CHRM3: variants seen among roughly 807,000 people sequenced by gnomAD.
CHRM3 encodes the protein cholinergic receptor muscarinic 3, also known as muscarinic acetylcholine receptor M3.
A neutral mutation model predicts 41.8 loss-of-function variants in CHRM3; 11 were observed. The observed-to-expected ratio is 0.26, with a 90% confidence interval of 0.17 to 0.44. The LOEUF is 0.44. Ranked by LOEUF, CHRM3 falls within the 20% of genes least tolerant of loss-of-function variation. The pLI, the probability that CHRM3 is intolerant of heterozygous loss-of-function variation, is 1.00. For synonymous variants in CHRM3, 297 were observed against 301.4 expected, an observed-to-expected ratio of 0.99 and a Z score of 0.15; for missense variants, 571 against 745.4, an observed-to-expected ratio of 0.77 and a Z score of 2.72.
At chr1:239,413,108 A>G (rs12120971) in intron 1 of CHRM3, among the ~76,000 whole-genome samples, 86,672 of 148,890 alleles carry the variant, frequency 0.58, 25,117 homozygotes, top group African/African-American at 0.62. Context: ...AAAAAAAAAG[A>G]TAAATCAGAG....
intron 4 of CHRM3, among the ~76,000 whole-genome samples, chr1:239,644,429 A>G (rs1262919722): frequency 6.6e-6 from 1 of 152,168 alleles, no homozygotes; most frequent in East Asian, 1.9e-4. Context: ...GAAAGTCCAA[A>G]CAACTTCTCC....
intron 6 of CHRM3, among the ~76,000 whole-genome samples, chr1:239,900,570 C>CTA (rs1679461481): frequency 6.6e-6 from 1 of 151,860 alleles, no homozygotes; most frequent in South Asian, 2.1e-4. Context: ...TTTCCTGGCC[C>CTA]TATAGGGACA....
chr1:239,429,716 T>A (rs1055107887), intron 1 of CHRM3, among the ~76,000 whole-genome samples: 3 of 152,142 alleles, frequency 2.0e-5, no homozygotes, highest in African/African-American at 7.2e-5. Flanking sequence ...GATTGCATTT[T>A]GCTTCTCTTT....
intron 1 of CHRM3, among the ~76,000 whole-genome samples, chr1:239,398,385 G>C (rs1192777510): frequency 1.3e-5 from 2 of 152,058 alleles, no homozygotes; most frequent in Admixed American, 6.5e-5. Flanking sequence ...ACAGGCGTGT[G>C]CCACCACGCC....
At chr1:239,669,060 T>G (rs1674098936) in intron 4 of CHRM3, among the ~76,000 whole-genome samples, 1 of 152,156 alleles carries the variant, frequency 6.6e-6, no homozygotes, top group African/African-American at 2.4e-5. Flanking sequence ...GAAAATTCCC[T>G]GAGGCACTGT....
chr1:239,407,727 G>C (rs1450290576), intron 1 of CHRM3, among the ~76,000 whole-genome samples: 1 of 151,890 alleles, frequency 6.6e-6, no homozygotes, highest in South Asian at 2.1e-4. Flanking sequence ...GCCCAGCTTT[G>C]TTTCCATTAA....
chr1:239,439,708 T>C (rs1373258942), intron 1 of CHRM3, among the ~76,000 whole-genome samples: 1 of 152,186 alleles, frequency 6.6e-6, no homozygotes, highest in African/African-American at 2.4e-5. Context: ...TCATGATCTA[T>C]TATGGTCATT....
intron 5 of CHRM3, among the ~76,000 whole-genome samples, chr1:239,684,176 T>G (rs1658845346): frequency 1.3e-5 from 2 of 152,074 alleles, no homozygotes; most frequent in South Asian, 4.1e-4. Context: ...ACAGAACAAT[T>G]AAGTAAGTTG....
chr1:239,868,870 C>T (rs1368749656), intron 6 of CHRM3, among the ~76,000 whole-genome samples: 4 of 152,124 alleles, frequency 2.6e-5, no homozygotes, highest in African/African-American at 9.7e-5. Flanking sequence ...TGTCTTTGAG[C>T]CCCGGTTTCA....
intron 3 of CHRM3, among the ~76,000 whole-genome samples, chr1:239,579,102 A>G (rs754981653): frequency 6.6e-6 from 1 of 152,222 alleles, no homozygotes; most frequent in Non-Finnish European, 1.5e-5. Flanking sequence ...CACTTACTAA[A>G]TATTCGTTGA....
intron 1 of CHRM3, among the ~76,000 whole-genome samples, chr1:239,472,032 A>C (rs1310881967): frequency 2.6e-5 from 4 of 152,172 alleles, no homozygotes; most frequent in Non-Finnish European, 4.4e-5. Context: ...AGAGTAACCA[A>C]ATATTCAGCA....
intron 5 of CHRM3, among the ~76,000 whole-genome samples, chr1:239,766,676 T>TAGATAC (rs1667241853): frequency 4.0e-5 from 1 of 25,006 alleles, no homozygotes. Context: ...TATAGATATA[T>TAGATAC]AGATATAGAT....
intron 5 of CHRM3, among the ~76,000 whole-genome samples, chr1:239,788,949 C>T (rs1164038090): frequency 6.6e-6 from 1 of 152,136 alleles, no homozygotes; most frequent in African/African-American, 2.4e-5. Flanking sequence ...ATATAACTTA[C>T]AAACTCTAAA....
chr1:239,807,226 T>C (rs1220071701), intron 5 of CHRM3, among the ~76,000 whole-genome samples: 1 of 152,210 alleles, frequency 6.6e-6, no homozygotes, highest in Non-Finnish European at 1.5e-5. Context: ...TTTACTTCAT[T>C]AGAGAAAGAA....
chr1:239,632,935 TATA>T (rs1204395863), intron 4 of CHRM3, among the ~76,000 whole-genome samples: 4 of 152,312 alleles, frequency 2.6e-5, no homozygotes, highest in Non-Finnish European at 5.9e-5. Flanking sequence ...TCAGGAAACT[TATA>T]ATCATGACAG....
chr1:239,831,831 A>G (rs1320844006), intron 6 of CHRM3, among the ~76,000 whole-genome samples: 1 of 152,184 alleles, frequency 6.6e-6, no homozygotes, highest in Non-Finnish European at 1.5e-5. Flanking sequence ...ATATAGATTA[A>G]AGCCAATATC....
intron 5 of CHRM3, among the ~76,000 whole-genome samples, chr1:239,751,117 A>G (rs1665784255): frequency 6.6e-6 from 1 of 152,106 alleles, no homozygotes; most frequent in Non-Finnish European, 1.5e-5. Context: ...GAGTGCCTGT[A>G]ATTCCAGCTA....
At chr1:239,881,199 C>G (rs1036305710) in intron 6 of CHRM3, among the ~76,000 whole-genome samples, 2 of 139,092 alleles carry the variant, frequency 1.4e-5, no homozygotes, top group East Asian at 4.7e-4. Context: ...AGGAGAATGG[C>G]GTGAACCCGG....
chr1:239,875,683 C>T (rs1032722562), intron 6 of CHRM3, among the ~76,000 whole-genome samples: 1 of 152,240 alleles, frequency 6.6e-6, no homozygotes, highest in African/African-American at 2.4e-5. Flanking sequence ...TAGCCATGGT[C>T]GCTTTGCATT....
Sources: gnomAD v4.1 joint callset for allele counts (sites outside exome capture counted in the v4.1 genomes callset) on GRCh38, gnomAD v4.1.1 for gene constraint, MANE v1.5 for transcripts, NCBI Gene and HGNC (gene_info 2026-07-23, HGNC 2026-07-21) for gene names.